Variants in AUTS2 observed in about 807,000 individuals in gnomAD.
AUTS2 encodes activator of transcription and developmental regulator AUTS2, also known as autism susceptibility gene 2 protein.
In AUTS2, 17 loss-of-function variants were observed where a neutral mutation model predicts 112.4. The ratio of observed to expected loss-of-function variants is 0.15; its 90% CI spans 0.10 to 0.23. The LOEUF (loss-of-function observed/expected upper bound fraction) is 0.23. Ranked by LOEUF, AUTS2 falls within the 10% of genes least tolerant of loss-of-function variation. The pLI, the probability that AUTS2 is intolerant of heterozygous loss-of-function variation, is 1.00. For synonymous variants in AUTS2, 751 were observed against 702.7 expected (o/e 1.07, Z -1.09); for missense variants, 1,510 against 1,701.6 (o/e 0.89, Z 1.98).
chr7:69,672,947 C>G (rs576272021), intron 1 of AUTS2, among the ~76,000 whole-genome samples: 1 of 152,316 alleles, frequency 6.6e-6, no homozygotes, highest in East Asian at 1.9e-4. Context: ...GCCAATAACT[C>G]ATTTTGTACT....
At chr7:70,315,363 T>C (rs1053173913) in intron 4 of AUTS2, among the ~76,000 whole-genome samples, 1 of 152,336 alleles carries the variant, frequency 6.6e-6, no homozygotes, top group African/African-American at 2.4e-5. Context: ...CCACTACTTA[T>C]ATGGCTATGG....
chr7:70,635,668 A>G (rs772759499), intron 5 of AUTS2, among the ~76,000 whole-genome samples: 3 of 152,228 alleles, frequency 2.0e-5, no homozygotes, highest in Non-Finnish European at 1.5e-5. Context: ...AGGTACTGTC[A>G]GAGGACTATT....
At chr7:70,684,791 A>T (rs781447810) in intron 5 of AUTS2, among the ~76,000 whole-genome samples, 1 of 151,888 alleles carries the variant, frequency 6.6e-6, no homozygotes, top group Non-Finnish European at 1.5e-5. Context: ...ACCTCCTTAC[A>T]CTCCTGTATC....
chr7:70,739,829 C>A (rs957298144), intron 6 of AUTS2, among the ~76,000 whole-genome samples: 7 of 148,142 alleles, frequency 4.7e-5, no homozygotes, highest in South Asian at 4.3e-4. Flanking sequence ...AAAAAAAAGT[C>A]TTCCTTACGT....
chr7:69,745,936 C>T (rs541765572), intron 1 of AUTS2, among the ~76,000 whole-genome samples: 39 of 152,238 alleles, frequency 2.6e-4, no homozygotes, highest in East Asian at 1.4e-3. Flanking sequence ...TGCAGGAGCA[C>T]GATCATAGCT....
Position 70,790,863 on chromosome 7 carries a change from C to A in AUTS2, c.3647C>A (p.Ala1216Glu). The A allele has an allele frequency of 6.2e-7, 1 of 1,606,102 alleles. No individual in the cohort carries two copies. The highest frequency in any genetic ancestry group is 8.5e-7 in the Non-Finnish European group (1 of 1,176,002). ...GLLNKTPPTA[A>E]LSAPPPLIST... is the part of the protein sequence containing the mutation. ...CTCAACAAGACCCCTCCGACAGCAG[C>A]GCTGAGCGCACCTCCCCCGCTCATC... Residue 1216 changes from alanine (A) to glutamate (E), a missense_variant, in exon 19 of 19, where the codon GCG (alanine) becomes GAG (glutamate). Around this residue, in one of 3 missense-constraint regions of AUTS2, gnomAD observed 788 missense variants for 797.6 expected, o/e 0.99. Transcript: ENST00000342771. The surrounding 1 kb of genome is among the most constrained non-coding windows in gnomAD (Gnocchi z 7.6).
intron 2 of AUTS2, among the ~76,000 whole-genome samples, chr7:69,932,849 A>G (rs1036986998): frequency 6.6e-6 from 1 of 152,226 alleles, no homozygotes. Context: ...GTTCTCAGTA[A>G]TCTAGAGCTA....
At chr7:70,003,231 T>A (rs1305938789) in intron 2 of AUTS2, among the ~76,000 whole-genome samples, 9 of 133,266 alleles carry the variant, frequency 6.8e-5, no homozygotes, top group Admixed American at 3.4e-4. Context: ...ATGAATATAT[T>A]ATATATGAAT....
rs565427412 is a variant in AUTS2, at chr7:69,648,077, G to A, written c.309+48115G>A. Reference sequence around the variant, plus strand: ...TCACATTGTGACATACTGAGGGTTAGGGCTTTAACGTATATTTCTGAGGGG... The same window carrying A: ...TCACATTGTGACATACTGAGGGTTAAGGCTTTAACGTATATTTCTGAGGGG... On this transcript the variant is annotated intron_variant, in intron 1 of 18. Transcript: ENST00000342771. 3.9e-5 allele frequency among the ~76,000 whole-genome samples: 6 copies of A among 152,218 alleles called. No homozygotes were observed. In the South Asian group the frequency reaches 1.2e-3, roughly 32 times the overall value.
chr7:70,693,153 A>T (rs545269553), intron 5 of AUTS2, among the ~76,000 whole-genome samples: 8 of 152,260 alleles, frequency 5.3e-5, no homozygotes, highest in African/African-American at 1.9e-4. Context: ...AAAACTCCAG[A>T]TGTTTTCAGA....
At chr7:70,079,490 A>T (rs1159161865) in intron 2 of AUTS2, among the ~76,000 whole-genome samples, 1 of 152,110 alleles carries the variant, frequency 6.6e-6, no homozygotes, top group East Asian at 1.9e-4. Flanking sequence ...CAACAGACAG[A>T]AACTCCATCT....
At chr7:69,601,300 T>G (rs1025683379) in intron 1 of AUTS2, among the ~76,000 whole-genome samples, 1 of 152,180 alleles carries the variant, frequency 6.6e-6, no homozygotes, top group African/African-American at 2.4e-5. Context: ...TTTCCATTTT[T>G]TTTTTTGCGT....
Position 70,259,314 on chromosome 7 carries a change from C to T in AUTS2, c.660+124743C>T, listed in dbSNP as rs112536488. On this transcript the variant is annotated intron_variant, in intron 4 of 18. Transcript: ENST00000342771. Reference sequence around the variant, plus strand: ...TCTAGAGCTTGGCTTTTTTTTTTTTCCTTCTTTTTTTGTAAAAAGAGGTTT... The same window carrying T: ...TCTAGAGCTTGGCTTTTTTTTTTTTTCTTCTTTTTTTGTAAAAAGAGGTTT... 1.7e-3 allele frequency among the ~76,000 whole-genome samples: 254 copies of T among 146,002 alleles called. 3 individuals carry two copies. Among genetic ancestry groups the T allele is most frequent in the African/African-American group, 5.6e-3 (221 of 39,780 alleles).
chr7:70,687,176 G>C (rs1017421916), intron 5 of AUTS2, among the ~76,000 whole-genome samples: 3 of 152,136 alleles, frequency 2.0e-5, no homozygotes, highest in African/African-American at 7.2e-5. Context: ...AATATGAAAT[G>C]CAGGTCGCTA....
chr7:69,894,146 A>G (rs912754861), intron 1 of AUTS2, among the ~76,000 whole-genome samples: 2 of 148,120 alleles, frequency 1.4e-5, no homozygotes, highest in Non-Finnish European at 3.0e-5. Flanking sequence ...GACAGCCAAT[A>G]TGTCTAAATC....
chr7:69,966,364 A>G (rs900364304), intron 2 of AUTS2, among the ~76,000 whole-genome samples: 1 of 152,202 alleles, frequency 6.6e-6, no homozygotes, highest in African/African-American at 2.4e-5. Flanking sequence ...CCCACTAGCT[A>G]TAATGCTATA....
intron 5 of AUTS2, among the ~76,000 whole-genome samples, chr7:70,651,613 G>T (rs1180826318): frequency 6.6e-6 from 1 of 152,134 alleles, no homozygotes; most frequent in Non-Finnish European, 1.5e-5. Flanking sequence ...ATTGAATACT[G>T]TACTGAAAGT....
chr7:69,742,884 C>T (rs1488307868), intron 1 of AUTS2, among the ~76,000 whole-genome samples: 1 of 152,152 alleles, frequency 6.6e-6, no homozygotes, highest in Admixed American at 6.5e-5. Flanking sequence ...ATGTTACCAA[C>T]TTGTCTTTTT....
intron 4 of AUTS2, among the ~76,000 whole-genome samples, chr7:70,371,434 A>G (rs1369018997): frequency 6.6e-6 from 1 of 152,242 alleles, no homozygotes; most frequent in Non-Finnish European, 1.5e-5. Flanking sequence ...GACACCTGCT[A>G]ACTGAATTTG....
Sources: allele counts gnomAD v4.1 joint callset (sites outside exome capture counted in the v4.1 genomes callset), GRCh38; gene constraint gnomAD v4.1.1; regional missense constraint gnomAD v4.1.1; non-coding constraint Gnocchi (gnomAD v3.1); transcripts MANE v1.5; gene names NCBI Gene and HGNC (gene_info 2026-07-23, HGNC 2026-07-21).